The following ZNF366 variants were observed in gnomAD, a reference collection of about 807,000 sequenced individuals.
ZNF366 encodes the protein zinc finger protein 366.
ZNF366 carries 20 observed loss-of-function variants against 47.2 expected under a neutral mutation model. The observed-to-expected ratio is 0.42, with a 90% CI of 0.30 to 0.62. The LOEUF is 0.62. Ranked by LOEUF, ZNF366 falls within the 20% of genes least tolerant of loss-of-function variation. ZNF366 has a pLI of 0.16. For missense variants in ZNF366, 987 were observed against 976.3 expected (o/e 1.01, Z -0.15); for synonymous variants, 421 against 395.1 (o/e 1.07, Z -0.78).
chr5:72,502,422 G>C (rs1279005687), intron 1 of ZNF366, among the ~76,000 whole-genome samples: 5 of 152,204 alleles, frequency 3.3e-5, no homozygotes, highest in African/African-American at 1.2e-4. Context: ...GTCAGAGGGA[G>C]ATCTGTGTCC....
chr5:72,452,226 A>G (rs1163463711), intron 3 of ZNF366, among the ~76,000 whole-genome samples: 2 of 152,296 alleles, frequency 1.3e-5, no homozygotes, highest in East Asian at 3.9e-4. Flanking sequence ...CTCTCTTTTA[A>G]TAAGAAGGGT....
At chr5:72,473,251 C>T (rs958338182) in intron 1 of ZNF366, among the ~76,000 whole-genome samples, 1 of 152,202 alleles carries the variant, frequency 6.6e-6, no homozygotes, top group African/African-American at 2.4e-5. Flanking sequence ...ACAATGCTTC[C>T]TACCATGTAT....
intron 1 of ZNF366, among the ~76,000 whole-genome samples, chr5:72,494,900 G>A (rs1744081120): frequency 6.6e-6 from 1 of 152,014 alleles, no homozygotes; most frequent in African/African-American, 2.4e-5. Flanking sequence ...GTAATTTAAG[G>A]CACATTTATC....
At chr5:72,469,378 C>T (rs756188718) in intron 1 of ZNF366, among the ~76,000 whole-genome samples, 1 of 152,026 alleles carries the variant, frequency 6.6e-6, no homozygotes, top group Non-Finnish European at 1.5e-5. Flanking sequence ...AAGAAATATA[C>T]AAAAAATGCT....
intron 1 of ZNF366, among the ~76,000 whole-genome samples, chr5:72,486,794 T>C (rs1398828816): frequency 6.6e-6 from 1 of 152,126 alleles, no homozygotes; most frequent in Non-Finnish European, 1.5e-5. Context: ...TCTTTTTTTT[T>C]TTAGATGGAG....
At chr5:72,489,960 CT>C (rs1743972007) in intron 1 of ZNF366, among the ~76,000 whole-genome samples, 1 of 152,232 alleles carries the variant, frequency 6.6e-6, no homozygotes, top group Non-Finnish European at 1.5e-5. Context: ...ACATTTCTGA[CT>C]CTTTTCTAGC....
rs745545119 is a variant in ZNF366 at position 72,460,949 on chromosome 5, C to T, written c.548G>A (p.Gly183Asp). Reference protein sequence around the residue: ...PYPYYPKVHPGLMFPFFVPSS... With the variant: ...PYPYYPKVHPDLMFPFFVPSS... ...GGGCACGAAGAAGGGGAACATGAGG[C>T]CCGGGTGGACTTTGGGGTAGTAGGG... The change falls in exon 2 of 5, where the codon GGC (glycine) becomes GAC (aspartate). Residue 183 changes from glycine to aspartate, a missense_variant. Transcript: ENST00000318442. 1.9e-6 allele frequency: 3 copies of T among 1,612,046 alleles called. No homozygotes were observed. The highest frequency in any genetic ancestry group is 1.7e-5 in the Admixed American group (1 of 59,944).
chr5:72,458,636 G>A (rs949692096), intron 2 of ZNF366, among the ~76,000 whole-genome samples: 1 of 152,186 alleles, frequency 6.6e-6, no homozygotes, highest in Non-Finnish European at 1.5e-5. Context: ...CAAGGCACAG[G>A]TGCCTGTGTC....
Position 72,467,149 on chromosome 5 carries a change from A to T in ZNF366, c.-14-5639T>A, listed in dbSNP as rs116584972. ...GGAGAAGACTTTAGAATAATCATAC[A>T]TTTTCATTGTTACGGTCAGACATTT... On this transcript the variant is annotated intron_variant, in intron 1 of 4. Transcript: ENST00000318442. 2.4e-3 allele frequency among the ~76,000 whole-genome samples: 364 copies of T among 152,246 alleles called. 3 individuals are homozygous for T. Among genetic ancestry groups the T allele is most frequent in the African/African-American group, 8.3e-3 (343 of 41,530 alleles).
chr5:72,469,834 C>T (rs140089127), intron 1 of ZNF366, among the ~76,000 whole-genome samples: 2 of 152,188 alleles, frequency 1.3e-5, no homozygotes, highest in East Asian at 3.9e-4. Flanking sequence ...TTGCTTGAGG[C>T]CAGGAGTTTG....
chr5:72,493,273 C>T (rs1344007113), intron 1 of ZNF366, among the ~76,000 whole-genome samples: 2 of 152,194 alleles, frequency 1.3e-5, no homozygotes, highest in African/African-American at 4.8e-5. Context: ...GTGCTAAAGA[C>T]ATCATAGGCA....
chr5:72,469,398 G>A (rs777654921), intron 1 of ZNF366, among the ~76,000 whole-genome samples: 30 of 152,132 alleles, frequency 2.0e-4, no homozygotes, highest in African/African-American at 4.1e-4. Flanking sequence ...TATTCTGCAC[G>A]TCGATATTAA....
intron 3 of ZNF366, among the ~76,000 whole-genome samples, chr5:72,454,513 G>A (rs142843882): frequency 2.9e-4 from 44 of 152,282 alleles, no homozygotes; most frequent in African/African-American, 1.0e-3. Context: ...TTTTCTGCCT[G>A]GTTTTACCAC....
intron 3 of ZNF366, among the ~76,000 whole-genome samples, chr5:72,452,410 C>G (rs1156524079): frequency 3.3e-5 from 5 of 152,212 alleles, no homozygotes; most frequent in African/African-American, 1.2e-4. Context: ...GCAGTTCATA[C>G]GGCTATATCC....
chr5:72,493,078 C>T (rs988265268), intron 1 of ZNF366, among the ~76,000 whole-genome samples: 2 of 152,178 alleles, frequency 1.3e-5, no homozygotes, highest in Non-Finnish European at 2.9e-5. Flanking sequence ...TAATTGCCTG[C>T]CTGTGACCAA....
chr5:72,474,906 C>T (rs1743642647), intron 1 of ZNF366, among the ~76,000 whole-genome samples: 1 of 152,142 alleles, frequency 6.6e-6, no homozygotes, highest in Non-Finnish European at 1.5e-5. Flanking sequence ...ATTACAATGA[C>T]TCTTTATTTG....
chr5:72,461,180 T>C lies in ZNF366; in HGVS notation c.317A>G (p.Asn106Ser). The change falls in exon 2 of 5, where the codon AAC becomes AGC. Residue 106 changes from asparagine to serine, a missense_variant. Asn to Ser is a conservative substitution (Grantham distance 46, BLOSUM62 1). Transcript: ENST00000318442. ...TLALHSEENK[N>S]HGLPNLPLLF... ...CAAAGGGAGGTTGGGAAGGCCGTGG[T>C]TTTTGTTCTCCTCTGAGTGGAGGGC... The C allele has an allele frequency of 6.2e-7, 1 of 1,614,030 alleles. No individual in the cohort carries two copies. The highest frequency in any genetic ancestry group is 1.1e-5 in the South Asian group (1 of 91,072).
chr5:72,479,306 T>C (rs921647962), intron 1 of ZNF366, among the ~76,000 whole-genome samples: 2 of 152,096 alleles, frequency 1.3e-5, no homozygotes, highest in African/African-American at 4.8e-5. Context: ...CTTACACCTG[T>C]AATCCCAGCA....
At chr5:72,481,973 G>A (rs370729360) in intron 1 of ZNF366, among the ~76,000 whole-genome samples, 7 of 152,164 alleles carry the variant, frequency 4.6e-5, no homozygotes, top group African/African-American at 1.7e-4. Context: ...AGATATGAGA[G>A]TTTTAAAGTT....
Sources: gnomAD v4.1 joint callset for allele counts (sites outside exome capture counted in the v4.1 genomes callset) on GRCh38, gnomAD v4.1.1 for gene constraint, MANE v1.5 for transcripts, NCBI Gene and HGNC (gene_info 2026-07-23, HGNC 2026-07-21) for gene names.